Variants in FGFR2 observed in about 807,000 individuals in gnomAD.
FGFR2 encodes the protein BEK fibroblast growth factor receptor.
In FGFR2, 19 loss-of-function variants were observed where a neutral mutation model predicts 95.9. That is an observed-to-expected ratio of 0.20 (90% confidence interval 0.14 to 0.29). The LOEUF is 0.29. Ranked by LOEUF, FGFR2 falls within the 10% of genes least tolerant of loss-of-function variation. The pLI, the probability that FGFR2 is intolerant of heterozygous loss-of-function variation, is 1.00. For synonymous variants in FGFR2, 392 were observed against 393.3 expected (o/e 1.00, Z 0.04); for missense variants, 707 against 1,056.9 (o/e 0.67, Z 4.59).
At chr10:121,568,418 G>A (rs1179847833) in intron 2 of FGFR2, among the ~76,000 whole-genome samples, 1 of 152,156 alleles carries the variant, frequency 6.6e-6, no homozygotes, top group Non-Finnish European at 1.5e-5. Flanking sequence ...TGATCAGCAA[G>A]TCACCAGAAA....
At chr10:121,551,204 A>G in intron 5 of FGFR2, 86 bp downstream of exon 5, 1 of 1,481,266 alleles carries the variant, frequency 6.8e-7, no homozygotes, top group Non-Finnish European at 9.3e-7. Context: ...TGGGCGACAG[A>G]GCGAGACTCC....
intron 8 of FGFR2, among the ~76,000 whole-genome samples, chr10:121,516,335 C>T (rs1160669194): frequency 2.0e-5 from 3 of 152,132 alleles, no homozygotes; most frequent in South Asian, 2.1e-4. Context: ...AGAGCAGATT[C>T]GCAACAAAAG....
At chr10:121,562,336 G>A (rs1366712064) in intron 4 of FGFR2, among the ~76,000 whole-genome samples, 1 of 151,714 alleles carries the variant, frequency 6.6e-6, no homozygotes, top group Admixed American at 6.6e-5. Context: ...GCAGGAGGGA[G>A]TGCAGTGGTG....
chr10:121,479,573 C>G lies in FGFR2; in HGVS notation c.*284G>C, dbSNP rs1844407583. On this transcript the variant is annotated 3_prime_UTR_variant, in exon 18 of 18. Coordinates refer to ENST00000358487, the MANE Select transcript of FGFR2 (RefSeq NM_000141.5). ...CAAGGAAGGCAGAACGCACGTCCAC[C>G]TTGAGTCCTACTGGTCCACAGCCAG... 1 of 1,544,934 alleles carries G rather than the reference C, an allele frequency of 6.5e-7. No homozygotes were observed. The highest frequency in any genetic ancestry group is 1.2e-5 in the South Asian group (1 of 82,990).
intron 2 of FGFR2, among the ~76,000 whole-genome samples, chr10:121,582,792 A>G (rs1861150339): frequency 6.6e-6 from 1 of 152,112 alleles, no homozygotes; most frequent in East Asian, 1.9e-4. Context: ...CTCACAAAAA[A>G]AGAAAAAAAA....
intron 10 of FGFR2, among the ~76,000 whole-genome samples, 173 bp from the exon 11 acceptor site, chr10:121,501,120 G>A (rs1000549820): frequency 3.9e-5 from 6 of 152,132 alleles, no homozygotes; most frequent in East Asian, 3.9e-4. Context: ...TCCTAGTGAC[G>A]TTTTAGAGAA....
At chr10:121,561,242 T>C (rs1484248274) in intron 4 of FGFR2, among the ~76,000 whole-genome samples, 5 of 152,000 alleles carry the variant, frequency 3.3e-5, no homozygotes, top group Middle Eastern at 6.8e-3. Context: ...CTGACCAACA[T>C]GGAGAAACCC....
At chr10:121,532,298 C>A (rs1852189512) in intron 6 of FGFR2, among the ~76,000 whole-genome samples, 2 of 152,146 alleles carry the variant, frequency 1.3e-5, no homozygotes, top group East Asian at 3.9e-4. Context: ...CTTTCAATAT[C>A]CTAACGTCTC....
At chr10:121,552,302 T>A (rs1301609635) in intron 4 of FGFR2, among the ~76,000 whole-genome samples, 1 of 152,240 alleles carries the variant, frequency 6.6e-6, no homozygotes, top group East Asian at 1.9e-4. Flanking sequence ...AGAATACCAC[T>A]GTAAATTCTT....
chr10:121,512,649 C>T (rs933548654), intron 9 of FGFR2, among the ~76,000 whole-genome samples: 2 of 152,116 alleles, frequency 1.3e-5, no homozygotes, highest in South Asian at 4.1e-4. Flanking sequence ...CCCGCTTCAG[C>T]CTCCTGTGGA....
At position 121,576,044 on chromosome 10, in the gene FGFR2, G is replaced by T. The variant is rs558682547; in HGVS notation, c.110-10340C>A. Among the ~76,000 whole-genome samples the T allele has an allele frequency of 2.7e-5, 4 of 147,662 alleles. No homozygotes were observed. The South Asian group carries it at 8.8e-4, about 32-fold the overall frequency. Reference sequence around the variant, plus strand: ...CTCTACTAAAAATACAAAATTAGCCGGGCGTGGTGGCACACGCCTGTAATC... The same window carrying T: ...CTCTACTAAAAATACAAAATTAGCCTGGCGTGGTGGCACACGCCTGTAATC... On this transcript the variant is annotated intron_variant, in intron 2 of 17. Transcript: ENST00000358487.
rs1360830493 is a variant in FGFR2 at position 121,538,689 on chromosome 10, A to C, written c.651T>G (p.Ile217Met). The change falls in exon 6 of 18, where the codon ATT becomes ATG. Residue 217 changes from isoleucine to methionine, a missense_variant. Transcript: ENST00000358487. ...YKVRNQHWSL[I>M]MESVVPSDKG... ...TGTCAGATGGGACCACACTTTCCAT[A>C]ATGAGGCTCCAGTGCTGGTTTCGTA... 6.2e-7 allele frequency: 1 copy of C among 1,614,066 alleles called. No individual in the cohort carries two copies. The highest frequency in any genetic ancestry group is 1.7e-5 in the Admixed American group (1 of 60,008).
At chr10:121,552,228 GA>G (rs1301720638) in intron 4 of FGFR2, among the ~76,000 whole-genome samples, 5 of 151,990 alleles carry the variant, frequency 3.3e-5, no homozygotes, top group African/African-American at 7.3e-5. Context: ...TTAAAGTCAA[GA>G]AAAAAGTTTT....
At chr10:121,527,402 A>G (rs1851519706) in intron 6 of FGFR2, among the ~76,000 whole-genome samples, 1 of 152,202 alleles carries the variant, frequency 6.6e-6, no homozygotes, top group Admixed American at 6.5e-5. Context: ...CCAGAGAGTT[A>G]TTATGCCAAA....
rs1850013070 is a variant in FGFR2, at chr10:121,518,551, A to G, written c.940-1088T>C. 2 of 1,027,478 alleles carry G rather than the reference A, an allele frequency of 1.9e-6. No individual in the cohort carries two copies. Among genetic ancestry groups the G allele is most frequent in the African/African-American group, 1.6e-5 (1 of 61,790 alleles). 63.6% of individuals were successfully genotyped at this position (1,027,478 alleles called of 1,614,324 possible). ...ATACCAGCTGCATCACCGAAGAAAG[A>G]TTATTATAAATATACCAAGGCCACA... On this transcript the variant is annotated intron_variant, in intron 7 of 17. Transcript: ENST00000358487. This position sits in a 1 kb window ranked among gnomAD's most constrained non-coding sequence, Gnocchi z 4.0.
intron 4 of FGFR2, 22 bp from the exon 5 acceptor site, chr10:121,551,481 G>C (rs1213928768): frequency 4.3e-6 from 7 of 1,609,902 alleles, no homozygotes; most frequent in Non-Finnish European, 4.2e-6. Context: ...AACAGTATTA[G>C]AATGTATACT....
rs1254560574 is a variant in FGFR2, at chr10:121,481,484, A to AG, written c.2302-1464dup. 5.3e-5 allele frequency among the ~76,000 whole-genome samples: 8 copies of AG among 152,284 alleles called. No individual in the cohort carries two copies. The South Asian group carries it at 1.7e-3, about 32-fold the overall frequency. On this transcript the variant is annotated intron_variant, in intron 17 of 17. Coordinates refer to ENST00000358487, the MANE Select transcript of FGFR2 (RefSeq NM_000141.5). ...AGAGTCCCCATCCCAGCATCCCAGA[A>AG]GGGGAATGTATCAGTTCCAACAACA...
In FGFR2 at chr10:121,565,491, G is replaced by A. The variant is rs2135112593; in HGVS notation, c.323C>T (p.Thr108Ile). Reference sequence around the variant, plus strand: ...TTCACTGTCTACAGTCCTACTGGCAGTACAAGCATAGAGGCCGGAGTCTCT... The same window carrying A: ...TTCACTGTCTACAGTCCTACTGGCAATACAAGCATAGAGGCCGGAGTCTCT... ...TPRDSGLYACTASRTVDSETW... is the reference protein window; with the variant it reads ...TPRDSGLYACIASRTVDSETW... The change falls in exon 3 of 18, where the codon ACT becomes ATT. Residue 108 changes from threonine to isoleucine, a missense_variant. Thr to Ile is a moderately conservative substitution (Grantham distance 89). This residue lies in a region of FGFR2 where 178 missense variants were observed against 194.1 expected (regional missense o/e 0.92). Transcript: ENST00000358487. 6.2e-7 allele frequency: 1 copy of A among 1,614,244 alleles called. No individual in the cohort carries two copies. The highest frequency in any genetic ancestry group is 8.5e-7 in the Non-Finnish European group (1 of 1,180,038).
At chr10:121,546,311 C>T (rs1044987310) in intron 5 of FGFR2, among the ~76,000 whole-genome samples, 12 of 152,036 alleles carry the variant, frequency 7.9e-5, no homozygotes, top group Admixed American at 6.5e-5. Context: ...GCCAATCTTC[C>T]CATTTTAAGG....
Sources: gnomAD v4.1 joint callset for allele counts (sites outside exome capture counted in the v4.1 genomes callset) on GRCh38, gnomAD v4.1.1 for gene constraint, gnomAD v4.1.1 regional missense constraint, Gnocchi (gnomAD v3.1) non-coding constraint, MANE v1.5 for transcripts, NCBI Gene and HGNC (gene_info 2026-07-23, HGNC 2026-07-21) for gene names.